Variants in SEMA3D observed in about 807,000 individuals in gnomAD.
SEMA3D encodes semaphorin-3D.
SEMA3D carries 84 observed loss-of-function variants against 100.1 expected under a neutral mutation model. The ratio of observed to expected loss-of-function variants is 0.84; its 90% confidence interval spans 0.70 to 1.01. SEMA3D has a LOEUF of 1.01. Among genes scored for constraint, SEMA3D ranks in the 50% least tolerant of loss-of-function variants. SEMA3D has a pLI of 0.00. For missense variants in SEMA3D, 875 were observed against 934.1 expected (o/e 0.94, Z 0.82); for synonymous variants, 312 against 320.7 (o/e 0.97, Z 0.29).
In SEMA3D at chr7:84,999,699, G is replaced by C. The variant is rs1421446756; in HGVS notation, c.2075C>G (p.Thr692Ser). The change falls in exon 19 of 19, where the codon ACC becomes AGC. Residue 692 changes from threonine (T) to serine (S), a missense_variant. Transcript: ENST00000284136. ...NVIENEQMEN[T>S]QRAEHEEGKV... ...CCCCTCCTCATGCTCTGCCCTCTGGGTATTTTCCATCTGTTCATTCTCAAT... is the reference window on the plus strand; with the variant it reads ...CCCCTCCTCATGCTCTGCCCTCTGGCTATTTTCCATCTGTTCATTCTCAAT... 1 of 1,613,822 alleles carries C rather than the reference G, an allele frequency of 6.2e-7. No homozygotes were observed. Among genetic ancestry groups the C allele is most frequent in the Non-Finnish European group, 8.5e-7 (1 of 1,180,002 alleles).
At chr7:85,041,826 A>G (rs1305717467) in intron 10 of SEMA3D, 1 of 200,834 alleles carries the variant, frequency 5.0e-6, no homozygotes, top group Non-Finnish European at 9.9e-6. Context: ...AAGGAATCCA[A>G]GATTTTCCTA....
At chr7:85,057,289 T>C (rs1427173870) in intron 8 of SEMA3D, among the ~76,000 whole-genome samples, 1 of 152,090 alleles carries the variant, frequency 6.6e-6, no homozygotes, top group African/African-American at 2.4e-5. Flanking sequence ...AACAGATGCG[T>C]AATAGGATGA....
In SEMA3D at chr7:84,999,646, G is replaced by T; in HGVS notation, c.2128C>A (p.Arg710=). The change falls in exon 19 of 19, where the codon CGG becomes AGG. Residue 710 remains arginine (R), a synonymous_variant. Coordinates refer to ENST00000284136, the MANE Select transcript of SEMA3D (RefSeq NM_001384900.1). ...TGGATGTAGTCTTTGTATCTCAACC[G>T]TGACTCAGCCAATAGATCCTTGACC... is the stretch of plus-strand genomic sequence containing the variant. The part of the protein sequence containing the change: ...GKVKDLLAES[R]LRYKDYIQIL... 6.2e-7 allele frequency: 1 copy of T among 1,613,980 alleles called. No individual in the cohort carries two copies. Among genetic ancestry groups the T allele is most frequent in the African/African-American group, 1.3e-5 (1 of 75,006 alleles).
the SEMA3D span, among the ~76,000 whole-genome samples, chr7:85,219,356 G>T: frequency 9.9e-5 from 15 of 152,040 alleles, no homozygotes; most frequent in African/African-American, 3.4e-4. Flanking sequence ...ATGTATTACA[G>T]CTATAAGTGA....
the SEMA3D span, among the ~76,000 whole-genome samples, chr7:85,196,546 G>A: frequency 6.6e-6 from 1 of 152,188 alleles, no homozygotes; most frequent in South Asian, 2.1e-4. Flanking sequence ...CGAAGTTATT[G>A]TCAATCCATA....
chr7:85,016,019 G>A (rs1790090185), intron 15 of SEMA3D, among the ~76,000 whole-genome samples: 1 of 151,528 alleles, frequency 6.6e-6, no homozygotes, highest in Admixed American at 6.6e-5. Flanking sequence ...ATAGGTATTG[G>A]CATAATAACA....
chr7:85,223,593 G>A, the SEMA3D span, among the ~76,000 whole-genome samples: 4 of 151,638 alleles, frequency 2.6e-5, no homozygotes, highest in African/African-American at 9.7e-5. Flanking sequence ...CCATAAAAAG[G>A]ACAAAATAAT....
chr7:85,042,281 T>G lies in SEMA3D; in HGVS notation c.866A>C (p.Asp289Ala). 6.3e-7 allele frequency: 1 copy of G among 1,597,506 alleles called. No homozygotes were observed. Residue 289 changes from aspartate to alanine, a missense_variant, in exon 10 of 19, where the codon GAT becomes GCT. Coordinates refer to ENST00000284136, the MANE Select transcript of SEMA3D (RefSeq NM_001384900.1). ...TATCAGGCTGCGTTGTCCTCCTACATCATTCTGACATGAAAAAAAAAATAA... is the reference window on the plus strand; with the variant it reads ...TATCAGGCTGCGTTGTCCTCCTACAGCATTCTGACATGAAAAAAAAAATAA... Reference protein sequence around the residue: ...LSRVGRVCKNDVGGQRSLINK... With the variant: ...LSRVGRVCKNAVGGQRSLINK...
intron 5 of SEMA3D, among the ~76,000 whole-genome samples, chr7:85,080,020 A>G (rs1788007022): frequency 6.6e-6 from 1 of 152,176 alleles, no homozygotes; most frequent in South Asian, 2.1e-4. Flanking sequence ...TAGTGACCGA[A>G]ATGTAAAAAC....
intron 2 of SEMA3D, among the ~76,000 whole-genome samples, chr7:85,130,970 A>T (rs551118382): frequency 1.1e-4 from 16 of 152,224 alleles, no homozygotes; most frequent in African/African-American, 3.4e-4. Context: ...GAAATTGTGG[A>T]TAACAAGGGT....
intron 14 of SEMA3D, among the ~76,000 whole-genome samples, chr7:85,019,901 T>C (rs1391240891): frequency 6.6e-6 from 1 of 151,610 alleles, no homozygotes; most frequent in Non-Finnish European, 1.5e-5. Flanking sequence ...AATTGAAAAG[T>C]AAAATTTATA....
At chr7:85,108,783 A>G (rs1789004875) in intron 3 of SEMA3D, among the ~76,000 whole-genome samples, 1 of 151,970 alleles carries the variant, frequency 6.6e-6, no homozygotes, top group Non-Finnish European at 1.5e-5. Flanking sequence ...ACAATTCTAA[A>G]TTGGTCAAAT....
chr7:85,066,913 C>CATACACACACAGAGAGAGAGAGATAG, intron 7 of SEMA3D, among the ~76,000 whole-genome samples: 2 of 127,822 alleles, frequency 1.6e-5, no homozygotes, highest in East Asian at 4.7e-4. Context: ...CACACACACA[C>CATACACACACAGAGAGAGAGAGATAG]AGAGAGAGAG....
chr7:85,178,719 A>C (rs760623484), intron 1 of SEMA3D, among the ~76,000 whole-genome samples: 1 of 152,246 alleles, frequency 6.6e-6, no homozygotes, highest in Non-Finnish European at 1.5e-5. Flanking sequence ...AGAAATTTGC[A>C]TAAGTAACTA....
chr7:85,160,210 T>A lies in SEMA3D; in HGVS notation c.-172-6471A>T, dbSNP rs75476830. Among the ~76,000 whole-genome samples the A allele has an allele frequency of 2.0e-4, 30 of 152,156 alleles. 1 individual carries two copies. In the East Asian group the frequency reaches 5.4e-3, roughly 27 times the overall value. ...AATACAAGTAAATACGTGTTTTTTT[T>A]ACCATTGAAGTGTGAACGAAATTGA... On this transcript the variant is annotated intron_variant, in intron 1 of 18. Coordinates refer to ENST00000284136, the MANE Select transcript of SEMA3D (RefSeq NM_001384900.1).
At chr7:85,195,405 C>A in the SEMA3D span, among the ~76,000 whole-genome samples, 2 of 152,054 alleles carry the variant, frequency 1.3e-5, no homozygotes. Context: ...GAAGAAAACC[C>A]ATATTTTAAT....
At chr7:85,165,114 C>T (rs924559112) in intron 1 of SEMA3D, among the ~76,000 whole-genome samples, 2 of 150,844 alleles carry the variant, frequency 1.3e-5, no homozygotes, top group Non-Finnish European at 2.9e-5. Context: ...TTTGTCCTTG[C>T]GATAGACGAG....
At chr7:85,102,912 A>G (rs1179562221) in intron 3 of SEMA3D, among the ~76,000 whole-genome samples, 1 of 152,104 alleles carries the variant, frequency 6.6e-6, no homozygotes, top group Non-Finnish European at 1.5e-5. Flanking sequence ...AAACAGCTGA[A>G]AAAACAGTGA....
At chr7:85,137,633 A>T (rs141092252) in intron 2 of SEMA3D, among the ~76,000 whole-genome samples, 2 of 152,166 alleles carry the variant, frequency 1.3e-5, no homozygotes, top group Admixed American at 6.6e-5. Flanking sequence ...ATAGACTTCA[A>T]TCCTGGAAAT....
Sources: allele counts gnomAD v4.1 joint callset (sites outside exome capture counted in the v4.1 genomes callset), GRCh38; gene constraint gnomAD v4.1.1; transcripts MANE v1.5; gene names NCBI Gene and HGNC (gene_info 2026-07-23, HGNC 2026-07-21).